The following PATJ variants were observed in gnomAD, a reference collection of about 807,000 sequenced individuals.
PATJ encodes the protein PATJ crumbs cell polarity complex component, also known as inaD-like protein.
A neutral mutation model predicts 224.9 loss-of-function variants in PATJ; 190 were observed. The ratio of observed to expected loss-of-function variants is 0.84; its 90% CI spans 0.75 to 0.95. The LOEUF is 0.95. Ranked by LOEUF, PATJ falls within the 40% of genes least tolerant of loss-of-function variation. PATJ has a pLI of 0.00. For synonymous variants in PATJ, 769 were observed against 820.3 expected (o/e 0.94, Z 1.07); for missense variants, 2,121 against 2,270.3 (o/e 0.93, Z 1.34).
intron 31 of PATJ, among the ~76,000 whole-genome samples, chr1:62,056,485 G>A (rs1264329668): frequency 1.3e-5 from 2 of 151,898 alleles, no homozygotes; most frequent in East Asian, 1.9e-4. Flanking sequence ...CTATGACCAC[G>A]CCCCTGCACC....
At position 62,128,067 on chromosome 1, in the gene PATJ, A is replaced by T. The variant is rs1020276602; in HGVS notation, c.5139A>T (p.Gly1713=). 1.9e-6 allele frequency: 3 copies of T among 1,614,136 alleles called. No homozygotes were observed. The highest frequency in any genetic ancestry group is 2.7e-5 in the African/African-American group (2 of 75,036). ...PVFIAMIQAS[G]VAARTQKLKV... is the part of the protein sequence containing the mutation. ...TTATTGCCATGATTCAGGCTAGCGG[A>T]GTGGCCGCACGGACACAGAAGCTTA... The change falls in exon 40 of 44, where the codon GGA becomes GGT. Residue 1713 remains glycine (G), a synonymous_variant. Coordinates refer to ENST00000642238, the MANE Select transcript of PATJ (RefSeq NM_001350145.3).
chr1:61,957,668 G>T (rs1426282973), intron 27 of PATJ, among the ~76,000 whole-genome samples: 1 of 152,166 alleles, frequency 6.6e-6, no homozygotes, highest in Non-Finnish European at 1.5e-5. Context: ...CCCATTATGT[G>T]TGTTGGTAAA....
chr1:62,052,433 A>G (rs1570344024), intron 31 of PATJ, among the ~76,000 whole-genome samples: 1 of 145,000 alleles, frequency 6.9e-6, no homozygotes, highest in African/African-American at 2.5e-5. Flanking sequence ...TTTACCAGAG[A>G]TTGACTAAAA....
At chr1:61,812,344 G>A (rs570504598) in intron 14 of PATJ, among the ~76,000 whole-genome samples, 2 of 138,284 alleles carry the variant, frequency 1.4e-5, no homozygotes, top group South Asian at 4.8e-4. Flanking sequence ...GATAGAGGAA[G>A]GGGAGGGAAT....
At chr1:61,782,549 T>C (rs987042862) in intron 7 of PATJ, among the ~76,000 whole-genome samples, 5 of 152,128 alleles carry the variant, frequency 3.3e-5, no homozygotes, top group African/African-American at 1.2e-4. Context: ...AAGTAGAAAA[T>C]AGCATTTATT....
chr1:61,870,817 C>A (rs1028019732), intron 20 of PATJ, among the ~76,000 whole-genome samples: 2 of 152,166 alleles, frequency 1.3e-5, no homozygotes, highest in African/African-American at 4.8e-5. Context: ...CTACAGCAAG[C>A]AGCTGCACCA....
At chr1:62,097,060 G>A (rs983184836) in intron 33 of PATJ, among the ~76,000 whole-genome samples, 8 of 152,162 alleles carry the variant, frequency 5.3e-5, no homozygotes, top group African/African-American at 1.9e-4. Context: ...AAATCTAAAA[G>A]GGGGGATTTA....
At chr1:61,867,668 C>T (rs1012648607) in intron 20 of PATJ, among the ~76,000 whole-genome samples, 1 of 151,448 alleles carries the variant, frequency 6.6e-6, no homozygotes, top group Non-Finnish European at 1.5e-5. Context: ...TATTTCAGCC[C>T]GAATGTTTCT....
In PATJ at chr1:61,998,150, G is replaced by A. The variant is rs529205051; in HGVS notation, c.3867+7786G>A. On this transcript the variant is annotated intron_variant, in intron 28 of 43. Coordinates refer to ENST00000642238, the MANE Select transcript of PATJ (RefSeq NM_001350145.3). ...GCTGGAGTTCAGTGGCATGATCTCAGCTCACTGCAACCTCCACCTCCTAAA... is the reference window on the plus strand; with the variant it reads ...GCTGGAGTTCAGTGGCATGATCTCAACTCACTGCAACCTCCACCTCCTAAA... Among the ~76,000 whole-genome samples the A allele has an allele frequency of 1.9e-3, 286 of 149,082 alleles. 2 individuals carry two copies. The highest frequency in any genetic ancestry group is 6.7e-3 in the African/African-American group (269 of 40,278).
In PATJ at chr1:62,083,536, T is replaced by C. The variant is rs537801132; in HGVS notation, c.4244-979T>C. On this transcript the variant is annotated intron_variant, in intron 32 of 43. Transcript: ENST00000642238. ...TTTTTTCTTAGCCTATAAACATTTT[T>C]TCCCTCACTCTTTGGAAAAACCCAA... 5.3e-5 allele frequency among the ~76,000 whole-genome samples: 8 copies of C among 152,364 alleles called. No homozygotes were observed. The South Asian group carries it at 1.7e-3, about 32-fold the overall frequency.
rs9436654 is a variant in PATJ at position 61,949,308 on chromosome 1, T to G, written c.3670+21479T>G. Among the ~76,000 whole-genome samples the G allele has an allele frequency of 3.5e-3, 534 of 152,138 alleles. 3 individuals are homozygous for G. The highest frequency in any genetic ancestry group is 0.012 in the African/African-American group (503 of 41,508). ...ACTGTCCATAAAAAACAAATTTATA[T>G]AGAGAGAAAGCAGGCCTGGGTTGCG... On this transcript the variant is annotated intron_variant, in intron 27 of 43. Coordinates refer to ENST00000642238, the MANE Select transcript of PATJ (RefSeq NM_001350145.3).
At chr1:61,965,059 G>A (rs953188876) in intron 27 of PATJ, among the ~76,000 whole-genome samples, 7 of 141,346 alleles carry the variant, frequency 5.0e-5, no homozygotes, top group African/African-American at 1.3e-4. Context: ...CTGCAGTGAC[G>A]TGAGCTGAGC....
chr1:61,872,428 A>G (rs189377098), intron 20 of PATJ, among the ~76,000 whole-genome samples: 112 of 152,314 alleles, frequency 7.4e-4, no homozygotes, highest in African/African-American at 2.4e-3. Context: ...GAAGAGAGCA[A>G]AGATTACCTG....
chr1:62,121,341 T>TA, intron 38 of PATJ, 46 bp downstream of exon 38: 3 of 973,994 alleles, frequency 3.1e-6, no homozygotes, highest in South Asian at 1.6e-5. Context: ...GTTACCCAAA[T>TA]TAAAAAAAAA....
chr1:61,847,075 C>T (rs1221695562), intron 17 of PATJ, among the ~76,000 whole-genome samples: 1 of 152,064 alleles, frequency 6.6e-6, no homozygotes, highest in African/African-American at 2.4e-5. Context: ...ACAATTCCAG[C>T]ATAACATAAA....
chr1:61,962,836 C>T (rs1313341318), intron 27 of PATJ, among the ~76,000 whole-genome samples: 1 of 152,082 alleles, frequency 6.6e-6, no homozygotes, highest in Non-Finnish European at 1.5e-5. Flanking sequence ...CTCCATGTCA[C>T]CTCAAAATGT....
At chr1:61,992,452 A>G (rs1159525250) in intron 28 of PATJ, among the ~76,000 whole-genome samples, 1 of 152,182 alleles carries the variant, frequency 6.6e-6, no homozygotes, top group Non-Finnish European at 1.5e-5. Context: ...CAATTTGTTT[A>G]GATTCAGGAG....
intron 25 of PATJ, among the ~76,000 whole-genome samples, chr1:61,912,960 A>G (rs1287962720): frequency 1.3e-5 from 2 of 152,204 alleles, no homozygotes; most frequent in African/African-American, 4.8e-5. Context: ...TGTATTAAAC[A>G]GAGATAGAAA....
chr1:62,086,067 G>C lies in PATJ; in HGVS notation c.4377+1419G>C, dbSNP rs1225732790. On this transcript the variant is annotated intron_variant, in intron 33 of 43. Transcript: ENST00000642238. This position sits in a 1 kb window ranked among gnomAD's most constrained non-coding sequence, Gnocchi z 4.0. ...AGGCTCAAGCGATCCTCCTACCTTA[G>C]CCTCCCAAAATGCTGCAATTACAGG... Among the ~76,000 whole-genome samples the C allele has an allele frequency of 6.6e-6, 1 of 151,962 alleles. No individual in the cohort carries two copies. The highest frequency in any genetic ancestry group is 1.9e-4 in the East Asian group (1 of 5,178).
Sources: gnomAD v4.1 joint callset for allele counts (sites outside exome capture counted in the v4.1 genomes callset) on GRCh38, gnomAD v4.1.1 for gene constraint, Gnocchi (gnomAD v3.1) non-coding constraint, MANE v1.5 for transcripts, NCBI Gene and HGNC (gene_info 2026-07-23, HGNC 2026-07-21) for gene names.